IFT25: variants seen among roughly 807,000 people sequenced by gnomAD.
IFT25 encodes the protein intraflagellar transport protein 25 homolog.
chr1:53,938,271 G>A, the IFT25 span, among the ~76,000 whole-genome samples: 1 of 152,186 alleles, frequency 6.6e-6, no homozygotes, highest in Non-Finnish European at 1.5e-5. Context: ...GTGTATGTGT[G>A]TAGACTTTGA....
At chr1:53,935,903 T>C in the IFT25 span, among the ~76,000 whole-genome samples, 2 of 152,196 alleles carry the variant, frequency 1.3e-5, no homozygotes, top group South Asian at 4.1e-4. Flanking sequence ...CTCATGTTTT[T>C]CTTTGGATGC....
the IFT25 span, among the ~76,000 whole-genome samples, chr1:53,914,136 T>A: frequency 1.3e-5 from 2 of 152,186 alleles, no homozygotes; most frequent in Non-Finnish European, 2.9e-5. Context: ...GGAGACATTC[T>A]CCATCCTCCT....
At chr1:53,914,803 G>A in the IFT25 span, among the ~76,000 whole-genome samples, 1 of 152,108 alleles carries the variant, frequency 6.6e-6, no homozygotes, top group Non-Finnish European at 1.5e-5. Flanking sequence ...GCCTCCCCCA[G>A]CCTGACCCCT....
the IFT25 span, chr1:53,928,239 C>G: frequency 5.4e-4 from 361 of 668,302 alleles, 1 homozygote; most frequent in African/African-American, 5.6e-3. Flanking sequence ...CTGGGTCTTT[C>G]TAGACCCTAA....
At chr1:53,912,468 G>C in the IFT25 span, among the ~76,000 whole-genome samples, 1 of 152,216 alleles carries the variant, frequency 6.6e-6, no homozygotes, top group African/African-American at 2.4e-5. Flanking sequence ...TCAAGGTGGA[G>C]TATATGTTAG....
chr1:53,944,750 TGC>T, the IFT25 span, among the ~76,000 whole-genome samples: 115 of 152,052 alleles, frequency 7.6e-4, 1 homozygote, highest in African/African-American at 2.8e-3. Flanking sequence ...CACTCTGGGG[TGC>T]TATCCTTTCC....
chr1:53,938,682 C>T, the IFT25 span, among the ~76,000 whole-genome samples: 3 of 152,136 alleles, frequency 2.0e-5, no homozygotes, highest in Admixed American at 6.5e-5. Flanking sequence ...CCATAAGTCC[C>T]GCCAGTCCTA....
chr1:53,937,683 A>C, the IFT25 span, among the ~76,000 whole-genome samples: 3 of 152,230 alleles, frequency 2.0e-5, no homozygotes, highest in Non-Finnish European at 4.4e-5. Context: ...GCTTGAGAGA[A>C]AGATCACCAA....
chr1:53,931,403 T>C, the IFT25 span, among the ~76,000 whole-genome samples: 1 of 152,234 alleles, frequency 6.6e-6, no homozygotes, highest in Non-Finnish European at 1.5e-5. Flanking sequence ...ATTTTCTTTC[T>C]TGTCATGTCT....
the IFT25 span, among the ~76,000 whole-genome samples, chr1:53,935,206 G>A: frequency 1.3e-5 from 2 of 152,096 alleles, no homozygotes; most frequent in Non-Finnish European, 2.9e-5. Flanking sequence ...CCAGCTACTC[G>A]GGAGGCTGAG....
chr1:53,917,301 CT>C, the IFT25 span, among the ~76,000 whole-genome samples: 2 of 152,226 alleles, frequency 1.3e-5, no homozygotes, highest in African/African-American at 4.8e-5. Flanking sequence ...AACTAACCCT[CT>C]TTCCTTTATA....
chr1:53,923,759 T>C, the IFT25 span: 8 of 616,722 alleles, frequency 1.3e-5, no homozygotes, highest in Non-Finnish European at 2.0e-5. Flanking sequence ...TATATTATTA[T>C]TGAGAATAAC....
At chr1:53,914,880 T>C in the IFT25 span, among the ~76,000 whole-genome samples, 1 of 152,224 alleles carries the variant, frequency 6.6e-6, no homozygotes, top group African/African-American at 2.4e-5. Flanking sequence ...TCTGTATAAA[T>C]GAGTGATAAA....
At chr1:53,928,656 A>G in the IFT25 span, 1 of 475,004 alleles carries the variant, frequency 2.1e-6, no homozygotes, top group Non-Finnish European at 3.7e-6. Flanking sequence ...GCAACCATAC[A>G]ACACAGAGCA....
the IFT25 span, among the ~76,000 whole-genome samples, chr1:53,915,223 A>G: frequency 4.4e-4 from 67 of 152,360 alleles, no homozygotes; most frequent in African/African-American, 1.5e-3. Context: ...AGTCATGAGC[A>G]GAAGCAAAAA....
At chr1:53,921,772 A>T in the IFT25 span, 2,233 of 1,579,698 alleles carry the variant, frequency 1.4e-3, 32 homozygotes, top group African/African-American at 0.027. Context: ...ATGTGCCTGT[A>T]TGGGAAAAAA....
At chr1:53,919,173 G>A in the IFT25 span, among the ~76,000 whole-genome samples, 6 of 151,984 alleles carry the variant, frequency 3.9e-5, no homozygotes, top group African/African-American at 1.2e-4. Context: ...CATGCCCTTG[G>A]GCAGGTACCT....
the IFT25 span, among the ~76,000 whole-genome samples, chr1:53,912,391 G>A: frequency 6.6e-6 from 1 of 152,206 alleles, no homozygotes; most frequent in East Asian, 1.9e-4. Context: ...GATGGACGAG[G>A]AAGAGCTGTT....
the IFT25 span, among the ~76,000 whole-genome samples, chr1:53,919,990 G>T: frequency 2.0e-5 from 3 of 151,830 alleles, no homozygotes; most frequent in Non-Finnish European, 4.4e-5. Context: ...GTAGATATGG[G>T]GTCTAGCTAT....
Sources: gnomAD v4.1 joint callset for allele counts (sites outside exome capture counted in the v4.1 genomes callset) on GRCh38, gnomAD v4.1.1 for gene constraint, MANE v1.5 for transcripts, NCBI Gene and HGNC (gene_info 2026-07-23, HGNC 2026-07-21) for gene names.